PTPRT: variants seen among roughly 807,000 people sequenced by gnomAD.
PTPRT encodes the protein receptor-type tyrosine-protein phosphatase T.
Under a neutral mutation model 176.8 loss-of-function variants are expected in PTPRT, and 56 were observed. That is an observed-to-expected ratio of 0.32 (90% CI 0.26 to 0.40). PTPRT has a LOEUF of 0.40. PTPRT is among the 10% of genes least tolerant of loss of function. The pLI is 1.00. For synonymous variants in PTPRT, 783 were observed against 739.0 expected (o/e 1.06, Z -0.96); for missense variants, 1,540 against 1,908.2 (o/e 0.81, Z 3.60).
At chr20:43,185,740 C>G (rs2015374132) in intron 1 of PTPRT, among the ~76,000 whole-genome samples, 1 of 152,050 alleles carries the variant, frequency 6.6e-6, no homozygotes, top group African/African-American at 2.4e-5. Context: ...TCAAGACCAG[C>G]TGGCCAACAT....
intron 12 of PTPRT, among the ~76,000 whole-genome samples, chr20:42,303,988 G>C (rs1600807960): frequency 6.6e-6 from 1 of 152,158 alleles, no homozygotes; most frequent in East Asian, 1.9e-4. Flanking sequence ...CTCTTCAACT[G>C]TGTAGCCCAA....
rs373659383 is a variant in PTPRT at position 42,896,298 on chromosome 20, G to A, written c.89-10366C>T. Among the ~76,000 whole-genome samples the A allele has an allele frequency of 5.9e-5, 9 of 151,832 alleles. No individual in the cohort carries two copies. The South Asian group carries it at 1.3e-3, about 21-fold the overall frequency. ...TAGGTCCACCTACAAAATTTGGAGCGCCCCTTGCAAGACTAAAATGCAGAG... is the reference window on the plus strand; with the variant it reads ...TAGGTCCACCTACAAAATTTGGAGCACCCCTTGCAAGACTAAAATGCAGAG... On this transcript the variant is annotated intron_variant, in intron 1 of 30. Transcript: ENST00000373187.
intron 11 of PTPRT, among the ~76,000 whole-genome samples, chr20:42,336,846 C>T (rs1209898417): frequency 6.6e-6 from 1 of 152,116 alleles, no homozygotes; most frequent in Non-Finnish European, 1.5e-5. Flanking sequence ...ACTGACTGCA[C>T]ACACACATAC....
intron 1 of PTPRT, among the ~76,000 whole-genome samples, chr20:43,062,047 C>G (rs1436745911): frequency 6.6e-6 from 1 of 152,170 alleles, no homozygotes; most frequent in African/African-American, 2.4e-5. Context: ...TCAATCTAAT[C>G]TATAGTGACC....
intron 15 of PTPRT, among the ~76,000 whole-genome samples, chr20:42,211,192 C>T (rs1301610736): frequency 2.0e-5 from 3 of 152,092 alleles, no homozygotes; most frequent in Non-Finnish European, 4.4e-5. Flanking sequence ...CCATAAAAAC[C>T]CTAGAAGGAA....
intron 2 of PTPRT, among the ~76,000 whole-genome samples, chr20:42,827,135 A>C (rs1015423035): frequency 1.3e-5 from 2 of 149,780 alleles, no homozygotes; most frequent in Non-Finnish European, 3.0e-5. Flanking sequence ...TGAGAGTATC[A>C]GACAGATCAT....
intron 1 of PTPRT, among the ~76,000 whole-genome samples, chr20:42,896,298 GC>G (rs2079295959): frequency 6.6e-6 from 1 of 151,714 alleles, no homozygotes; most frequent in South Asian, 2.1e-4. Context: ...AATTTGGAGC[GC>G]CCCTTGCAAG....
chr20:42,693,387 C>A (rs1344433446), intron 6 of PTPRT, among the ~76,000 whole-genome samples: 1 of 151,946 alleles, frequency 6.6e-6, no homozygotes, highest in African/African-American at 2.4e-5. Flanking sequence ...TGCAAAAGGC[C>A]AGGAATATTC....
intron 13 of PTPRT, among the ~76,000 whole-genome samples, chr20:42,270,124 C>T (rs2056906232): frequency 6.6e-6 from 1 of 152,126 alleles, no homozygotes; most frequent in Admixed American, 6.5e-5. Context: ...CATTGTACAT[C>T]TCCATGCCTA....
intron 1 of PTPRT, among the ~76,000 whole-genome samples, chr20:43,087,639 C>T (rs566027027): frequency 6.6e-6 from 1 of 152,286 alleles, no homozygotes; most frequent in African/African-American, 2.4e-5. Flanking sequence ...GCTGGGTTTA[C>T]AGGTGTGAGC....
chr20:42,959,702 TC>T (rs1166288148), intron 1 of PTPRT, among the ~76,000 whole-genome samples: 1 of 152,066 alleles, frequency 6.6e-6, no homozygotes, highest in Non-Finnish European at 1.5e-5. Flanking sequence ...GTTTCTAGCT[TC>T]CACTAGCGCC....
intron 1 of PTPRT, among the ~76,000 whole-genome samples, chr20:42,953,358 G>T (rs546061257): frequency 6.6e-6 from 1 of 152,300 alleles, no homozygotes; most frequent in South Asian, 2.1e-4. Context: ...TGTACCAGAG[G>T]TCACACAGCT....
At chr20:42,495,023 TC>T (rs2071628528) in intron 7 of PTPRT, among the ~76,000 whole-genome samples, 2 of 152,180 alleles carry the variant, frequency 1.3e-5, no homozygotes, top group African/African-American at 4.8e-5. Context: ...CTGGGCCTTG[TC>T]ATCCTGACTC....
At chr20:42,936,454 C>T (rs1980199334) in intron 1 of PTPRT, among the ~76,000 whole-genome samples, 1 of 152,162 alleles carries the variant, frequency 6.6e-6, no homozygotes, top group Non-Finnish European at 1.5e-5. Context: ...CACGGAAAGC[C>T]TCATAAGCAT....
chr20:42,299,344 T>A (rs2145301036), intron 12 of PTPRT, among the ~76,000 whole-genome samples: 1 of 152,246 alleles, frequency 6.6e-6, no homozygotes, highest in African/African-American at 2.4e-5. Flanking sequence ...ATAACCATAT[T>A]CTAGTGAAAG....
At chr20:42,600,459 A>T (rs1034585605) in intron 7 of PTPRT, among the ~76,000 whole-genome samples, 2 of 152,012 alleles carry the variant, frequency 1.3e-5, no homozygotes, top group African/African-American at 4.8e-5. Context: ...TATTATTATT[A>T]TTTTTTACAT....
In PTPRT at chr20:42,311,972, T is replaced by C. The variant is rs192116456; in HGVS notation, c.2139+3751A>G. Among the ~76,000 whole-genome samples the C allele has an allele frequency of 3.1e-3, 474 of 152,288 alleles. 2 individuals are homozygous for C. Among genetic ancestry groups the C allele is most frequent in the Non-Finnish European group, 5.1e-3 (347 of 68,018 alleles). ...ATTTACATTCATCCATCTTCCAACT[T>C]TGTCTTAGTTTTTGTTGATAAAATA... is the stretch of plus-strand genomic sequence containing the variant. On this transcript the variant is annotated intron_variant, in intron 12 of 30. Transcript: ENST00000373187.
intron 12 of PTPRT, 66 bp downstream of exon 12, chr20:42,315,657 A>G: frequency 1.3e-6 from 2 of 1,548,346 alleles, no homozygotes; most frequent in Non-Finnish European, 1.8e-6. Context: ...AGCCCTGCTG[A>G]CTTATCATTT....
At chr20:42,349,206 G>C (rs11697913) in intron 11 of PTPRT, among the ~76,000 whole-genome samples, 7,257 of 152,220 alleles carry the variant, frequency 0.048, 271 homozygotes, top group Non-Finnish European at 0.073. Context: ...TCTAGTAGCT[G>C]CCCATGTCCT....
Sources: gnomAD v4.1 joint callset for allele counts (sites outside exome capture counted in the v4.1 genomes callset) on GRCh38, gnomAD v4.1.1 for gene constraint, MANE v1.5 for transcripts, NCBI Gene and HGNC (gene_info 2026-07-23, HGNC 2026-07-21) for gene names.